Variants in SOX6 observed in about 807,000 individuals in gnomAD.
SOX6 encodes the protein transcription factor SOX-6.
Under a neutral mutation model 97.8 loss-of-function variants are expected in SOX6, and 11 were observed. The ratio of observed to expected loss-of-function variants is 0.11; its 90% CI spans 0.07 to 0.19. The LOEUF (loss-of-function observed/expected upper bound fraction) is 0.19, where lower values mean the gene tolerates loss of function less well. SOX6 is among the 10% of genes least tolerant of loss of function. The pLI, the probability that SOX6 is intolerant of heterozygous loss-of-function variation, is 1.00. For synonymous variants in SOX6, 360 were observed against 371.4 expected (o/e 0.97, Z 0.35); for missense variants, 810 against 1,039.5 (o/e 0.78, Z 3.04).
At chr11:16,568,852 C>G (rs1030031685) in intron 4 of SOX6, among the ~76,000 whole-genome samples, 1 of 152,176 alleles carries the variant, frequency 6.6e-6, no homozygotes, top group Non-Finnish European at 1.5e-5. Context: ...CCAAATGCAT[C>G]TTTCACTTCT....
chr11:16,681,074 T>C (rs779847679), intron 3 of SOX6, among the ~76,000 whole-genome samples: 37 of 152,106 alleles, frequency 2.4e-4, no homozygotes, highest in Non-Finnish European at 3.5e-4. Context: ...AACAAGGATA[T>C]CCAGGACTTG....
chr11:16,137,148 T>C (rs1359851778), intron 6 of SOX6, among the ~76,000 whole-genome samples: 3 of 152,274 alleles, frequency 2.0e-5, no homozygotes, highest in South Asian at 2.1e-4. Context: ...CTAAAGAGCA[T>C]GTGGGGGCCG....
intron 4 of SOX6, among the ~76,000 whole-genome samples, chr11:16,576,692 T>A (rs1052687905): frequency 6.6e-5 from 10 of 151,538 alleles, no homozygotes; most frequent in African/African-American, 2.4e-4. Context: ...AGACTTGGAG[T>A]TTTTCAGATT....
At chr11:16,340,875 T>G (rs1346981844) in intron 2 of SOX6, 137 bp downstream of exon 2, 7 of 1,209,610 alleles carry the variant, frequency 5.8e-6, no homozygotes, top group Non-Finnish European at 5.8e-6. Flanking sequence ...AGTATCTTAG[T>G]AATATGTACC....
intron 12 of SOX6, among the ~76,000 whole-genome samples, chr11:16,042,054 T>C (rs1460430451): frequency 1.3e-5 from 2 of 152,206 alleles, no homozygotes; most frequent in East Asian, 3.9e-4. Context: ...ATGCTGTACA[T>C]ATGCTTTTCT....
rs189675144 is a variant in SOX6, at chr11:15,969,226, A to T, written c.*3583T>A. 6.6e-6 allele frequency: 1 copy of T among 152,180 alleles called. No individual in the cohort carries two copies. Among genetic ancestry groups the T allele is most frequent in the East Asian group, 1.9e-4 (1 of 5,176 alleles). 9.4% of individuals were successfully genotyped at this position (152,180 alleles called of 1,614,324 possible). On this transcript the variant is annotated 3_prime_UTR_variant, in exon 16 of 16. Transcript: ENST00000683767. ...ACTATGAAATAGGGAGCACCGCAAA[A>T]ACAAAGTTGCTTAACATTCTTGAAT...
At chr11:16,074,012 C>A (rs1381887379) in intron 9 of SOX6, among the ~76,000 whole-genome samples, 1 of 151,782 alleles carries the variant, frequency 6.6e-6, no homozygotes, top group Non-Finnish European at 1.5e-5. Flanking sequence ...ATTAACAACC[C>A]AATATCACAA....
At chr11:16,659,758 C>T (rs930316346) in intron 3 of SOX6, among the ~76,000 whole-genome samples, 1 of 151,964 alleles carries the variant, frequency 6.6e-6, no homozygotes, top group East Asian at 1.9e-4. Flanking sequence ...ACCATCTGGG[C>T]CTGGTACTTT....
chr11:16,338,185 T>C (rs967114242), intron 2 of SOX6, among the ~76,000 whole-genome samples: 1 of 152,090 alleles, frequency 6.6e-6, no homozygotes, highest in African/African-American at 2.4e-5. Flanking sequence ...TAAGTTTTAT[T>C]TTTTCACAAC....
chr11:16,618,331 T>G (rs1463858864), intron 3 of SOX6, among the ~76,000 whole-genome samples: 1 of 152,008 alleles, frequency 6.6e-6, no homozygotes, highest in East Asian at 1.9e-4. Flanking sequence ...TCTATATTTA[T>G]CATGCATCTT....
Position 16,412,813 on chromosome 11 carries a change from G to C in SOX6, c.-5+63502C>G, listed in dbSNP as rs138085331. 1.6e-3 allele frequency among the ~76,000 whole-genome samples: 247 copies of C among 152,280 alleles called. 2 individuals are homozygous for C. The highest frequency in any genetic ancestry group is 5.8e-3 in the African/African-American group (243 of 41,548). On this transcript the variant is annotated intron_variant, in intron 1 of 15. Coordinates refer to the SOX6 transcript ENST00000396356. The stretch of plus-strand genomic sequence containing the variant: ...CAGAAGCTCAAGGTTAGAAACCTCA[G>C]TAGAAAGACAGTGTTTCCTTCCCAG...
In SOX6 at chr11:16,624,184, T is replaced by TTTTATTTATTTATTTATTTATTTATTTA. The variant is rs142553542; in HGVS notation, n.430-11925_430-11924insTAAATAAATAAATAAATAAATAAATAAA. Among the ~76,000 whole-genome samples the TTTTATTTATTTATTTATTTATTTATTTA allele has an allele frequency of 7.5e-5, 11 of 147,330 alleles. No individual in the cohort carries two copies. In the East Asian group the frequency reaches 1.2e-3, roughly 16 times the overall value. On this transcript the variant is annotated intron_variant and non_coding_transcript_variant, in intron 3 of 5. Transcript: ENST00000524520. The stretch of plus-strand genomic sequence containing the variant: ...TCAGTGAAAGATTTTTATTTTTTTA[T>TTTTATTTATTTATTTATTTATTTATTTA]TTTATTTATTTATTTATTTATTGAG...
chr11:16,214,383 G>A (rs970753815), intron 4 of SOX6, among the ~76,000 whole-genome samples: 1 of 152,098 alleles, frequency 6.6e-6, no homozygotes, highest in African/African-American at 2.4e-5. Context: ...GAATTACTGG[G>A]TACTTACTAC....
At chr11:16,308,596 A>G (rs542784307) in intron 3 of SOX6, among the ~76,000 whole-genome samples, 13 of 152,312 alleles carry the variant, frequency 8.5e-5, no homozygotes, top group African/African-American at 1.2e-4. Context: ...GTCTATTTCA[A>G]TATAAATGGT....
intron 1 of SOX6, among the ~76,000 whole-genome samples, chr11:16,412,600 C>T (rs2133057319): frequency 6.6e-6 from 1 of 152,166 alleles, no homozygotes; most frequent in Non-Finnish European, 1.5e-5. Flanking sequence ...ACTATGAGAC[C>T]CCCATCTCTA....
At chr11:16,392,698 T>A (rs946918688) in intron 1 of SOX6, among the ~76,000 whole-genome samples, 2 of 152,096 alleles carry the variant, frequency 1.3e-5, no homozygotes, top group Non-Finnish European at 2.9e-5. Context: ...TGGGGATACA[T>A]GGTGAAGTCT....
At chr11:16,453,511 A>G (rs1455499646) in intron 1 of SOX6, among the ~76,000 whole-genome samples, 1 of 152,172 alleles carries the variant, frequency 6.6e-6, no homozygotes, top group Non-Finnish European at 1.5e-5. Context: ...ATTCATTAGT[A>G]CGTTATTCCA....
chr11:16,097,960 T>C (rs999594466), intron 7 of SOX6, among the ~76,000 whole-genome samples: 1 of 151,866 alleles, frequency 6.6e-6, no homozygotes, highest in African/African-American at 2.4e-5. Flanking sequence ...ATTGCGAATC[T>C]TGTAATACAT....
intron 4 of SOX6, among the ~76,000 whole-genome samples, chr11:16,220,700 G>A (rs1290782503): frequency 6.6e-6 from 1 of 151,972 alleles, no homozygotes; most frequent in African/African-American, 2.4e-5. Context: ...AATCTATCTT[G>A]TCAGTCACTT....
Sources: gnomAD v4.1 joint callset for allele counts (sites outside exome capture counted in the v4.1 genomes callset) on GRCh38, gnomAD v4.1.1 for gene constraint, MANE v1.5 for transcripts, NCBI Gene and HGNC (gene_info 2026-07-23, HGNC 2026-07-21) for gene names.